HBP1: variants seen among roughly 807,000 people sequenced by gnomAD.
HBP1 encodes HMG box-containing protein 1.
A neutral mutation model predicts 62.6 loss-of-function variants in HBP1; 20 were observed. The observed-to-expected ratio is 0.32, with a 90% CI of 0.22 to 0.46. HBP1 has a LOEUF of 0.46. HBP1 is among the 20% of genes least tolerant of loss of function. The pLI is 1.00. For synonymous variants in HBP1, 232 were observed against 206.2 expected (o/e 1.12, Z -1.07); for missense variants, 480 against 611.8 (o/e 0.78, Z 2.27).
chr7:107,186,383 G>C lies in HBP1; in HGVS notation c.563G>C (p.Gly188Ala). ...TAGGCAAATAGTGAGTCAGAATCTG[G>C]CATTTTCTGCATGTCCTCCCTGTCA... is the stretch of plus-strand genomic sequence containing the variant. ...HERANSESES[G>A]IFCMSSLSDD... Residue 188 changes from glycine to alanine, a missense_variant, in exon 5 of 11, where the codon GGC becomes GCC. Physicochemically the swap from Gly to Ala is moderately conservative, Grantham distance 60 (BLOSUM62 0). Around this residue, in one of 4 missense-constraint regions of HBP1, gnomAD observed 304 missense variants for 330.9 expected, o/e 0.92. Transcript: ENST00000222574. 5.0e-6 allele frequency: 8 copies of C among 1,608,154 alleles called. No individual in the cohort carries two copies. The highest frequency in any genetic ancestry group is 6.8e-6 in the Non-Finnish European group (8 of 1,175,430).
chr7:107,183,088 T>TA (rs1337742044), intron 3 of HBP1, among the ~76,000 whole-genome samples: 3 of 152,200 alleles, frequency 2.0e-5, no homozygotes, highest in African/African-American at 4.8e-5. Context: ...TTCCCATTGG[T>TA]AAAAATCACT....
chr7:107,171,073 A>ATATTTTTTTTTTTTTTTTTT, intron 1 of HBP1, among the ~76,000 whole-genome samples: 1 of 87,192 alleles, frequency 1.1e-5, no homozygotes, highest in African/African-American at 6.6e-5. Context: ...ATATATATAT[A>ATATTTTTTTTTTTTTTTTTT]TTTTTTTTTT....
intron 6 of HBP1, 83 bp from the exon 7 acceptor site, chr7:107,189,209 A>T: frequency 8.5e-7 from 1 of 1,181,708 alleles, no homozygotes; most frequent in Non-Finnish European, 1.2e-6. Flanking sequence ...TACCTTTTCC[A>T]CAAAGTCTTA....
intron 1 of HBP1, chr7:107,169,894 AC>A: frequency 1.0e-6 from 1 of 985,236 alleles, no homozygotes; most frequent in East Asian, 1.1e-4. Context: ...GCTCTGTGTG[AC>A]CCAAAGAGGA....
intron 1 of HBP1, among the ~76,000 whole-genome samples, chr7:107,170,996 A>G (rs890258382): frequency 6.9e-6 from 1 of 144,826 alleles, no homozygotes; most frequent in Non-Finnish European, 1.5e-5. Context: ...TATATAAAAT[A>G]TATAACATAT....
rs1376782173 is a variant in HBP1, at chr7:107,179,893, C to T, written c.-1C>T. 8 of 1,534,256 alleles carry T rather than the reference C, an allele frequency of 5.2e-6. No homozygotes were observed. Among genetic ancestry groups the T allele is most frequent in the Non-Finnish European group, 5.3e-6 (6 of 1,123,614 alleles). On this transcript the variant is annotated 5_prime_UTR_variant, in exon 2 of 11. Coordinates refer to ENST00000222574, the MANE Select transcript of HBP1 (RefSeq NM_012257.4). ...TTTATTTTAAGTCAGAGCACCATAA[C>T]ATGGTGTGGGAAGTGAAGACAAATC...
intron 1 of HBP1, among the ~76,000 whole-genome samples, chr7:107,171,079 T>TATATA (rs1796566701): frequency 8.5e-6 from 1 of 118,132 alleles, no homozygotes; most frequent in Non-Finnish European, 1.6e-5. Context: ...ATATATTTTT[T>TATATA]TTTTTTTTTG....
chr7:107,172,116 T>TA (rs764461506), intron 1 of HBP1, among the ~76,000 whole-genome samples: 3 of 152,038 alleles, frequency 2.0e-5, no homozygotes, highest in Admixed American at 6.5e-5. Flanking sequence ...TCTACTATCA[T>TA]TTTCTATAGA....
intron 8 of HBP1, among the ~76,000 whole-genome samples, chr7:107,191,512 C>A (rs1424929824): frequency 1.3e-5 from 2 of 152,076 alleles, no homozygotes; most frequent in Admixed American, 1.3e-4. Flanking sequence ...GAAGTAAATT[C>A]TTGTAGTCAT....
Position 107,171,073 on chromosome 7 carries a change from A to ATATATATATT in HBP1, c.-16+1889_-16+1890insATATATATTT. Among the ~76,000 whole-genome samples the ATATATATATT allele has an allele frequency of 1.7e-4, 15 of 87,200 alleles. 1 individual carries two copies. Among genetic ancestry groups the ATATATATATT allele is most frequent in the South Asian group, 9.5e-4 (3 of 3,174 alleles). 57.2% of individuals were successfully genotyped at this position (87,200 alleles called of 152,430 possible). ...TATATATATATATATATATATATAT[A>ATATATATATT]TTTTTTTTTTTTTTTGAGAGGGAGT... is the stretch of plus-strand genomic sequence containing the variant. On this transcript the variant is annotated intron_variant, in intron 1 of 10. Transcript: ENST00000222574.
intron 2 of HBP1, 117 bp from the exon 3 acceptor site, chr7:107,182,256 T>A (rs545462616): frequency 1.8e-5 from 11 of 626,402 alleles, no homozygotes; most frequent in Non-Finnish European, 3.1e-5. Flanking sequence ...AATTTATGAT[T>A]TTCCTCTCTC....
Position 107,200,216 on chromosome 7 carries a change from G to A in HBP1, c.1442G>A (p.Arg481Lys). Residue 481 changes from arginine to lysine, a missense_variant, in exon 10 of 11, where the codon AGA becomes AAA. Transcript: ENST00000222574. ...RWKKMKNEER[R>K]MYTLEAKALA... ...AAGAAAATGAAGAATGAAGAGAGAA[G>A]AATGTACACATTAGAAGCAAAGGCT... 1.2e-6 allele frequency: 2 copies of A among 1,610,776 alleles called. No homozygotes were observed. Among genetic ancestry groups the A allele is most frequent in the Non-Finnish European group, 1.7e-6 (2 of 1,177,538 alleles).
chr7:107,169,116 T>C lies in HBP1; in HGVS notation c.-85T>C, dbSNP rs754657778. 3.2e-4 allele frequency: 408 copies of C among 1,264,108 alleles called. No individual in the cohort carries two copies. Among genetic ancestry groups the C allele is most frequent in the Middle Eastern group, 4.6e-4 (2 of 4,334 alleles). The allele number at this position is 1,264,108 out of a possible 1,614,324, so 78.3% of individuals were successfully genotyped here. A position where few individuals can be genotyped will look rare whatever the true frequency, so the allele number is the denominator to read the frequency against. ...AGGCCGACGTCGGTCGGAGAGGGGG[T>C]ACGAGAGCTGCTGGTGGTGTTGTCG... is the stretch of plus-strand genomic sequence containing the variant. On this transcript the variant is annotated 5_prime_UTR_variant, in exon 1 of 11. Coordinates refer to ENST00000222574, the MANE Select transcript of HBP1 (RefSeq NM_012257.4).
Position 107,171,073 on chromosome 7 carries a change from A to ATATATATATATTTTTT in HBP1, c.-16+1889_-16+1890insATATATATATTTTTTT. Among the ~76,000 whole-genome samples the ATATATATATATTTTTT allele has an allele frequency of 7.3e-4, 64 of 87,196 alleles. 2 individuals carry two copies. The highest frequency in any genetic ancestry group is 2.4e-3 in the African/African-American group (37 of 15,124). The allele number at this position is 87,196 out of a possible 152,430, so 57.2% of individuals were successfully genotyped here. Reference sequence around the variant, plus strand: ...TATATATATATATATATATATATATATTTTTTTTTTTTTTTGAGAGGGAGT... The same window carrying ATATATATATATTTTTT: ...TATATATATATATATATATATATATATATATATATATTTTTTTTTTTTTTTTTTTTTGAGAGGGAGT... On this transcript the variant is annotated intron_variant, in intron 1 of 10. Coordinates refer to ENST00000222574, the MANE Select transcript of HBP1 (RefSeq NM_012257.4).
intron 1 of HBP1, among the ~76,000 whole-genome samples, chr7:107,175,995 C>A (rs769440194): frequency 6.6e-6 from 1 of 151,684 alleles, no homozygotes. Context: ...GGATTACAGG[C>A]GTGAGCCACC....
intron 1 of HBP1, among the ~76,000 whole-genome samples, chr7:107,176,016 T>A (rs1300001638): frequency 7.6e-6 from 1 of 130,968 alleles, no homozygotes; most frequent in African/African-American, 2.8e-5. Flanking sequence ...GCACCCGGCT[T>A]TTTTTCTTTT....
At chr7:107,187,578 AG>A (rs971972773) in intron 6 of HBP1, among the ~76,000 whole-genome samples, 5 of 152,126 alleles carry the variant, frequency 3.3e-5, no homozygotes, top group African/African-American at 1.2e-4. Context: ...CTCACTATTA[AG>A]TCTCTTGAGA....
intron 2 of HBP1, among the ~76,000 whole-genome samples, chr7:107,180,471 T>TA (rs897660241): frequency 2.0e-5 from 3 of 152,228 alleles, no homozygotes; most frequent in African/African-American, 4.8e-5. Flanking sequence ...TTATGGTTGT[T>TA]ACTATTGCTA....
intron 6 of HBP1, among the ~76,000 whole-genome samples, chr7:107,188,728 C>T (rs1413138013): frequency 6.6e-6 from 1 of 152,128 alleles, no homozygotes. Flanking sequence ...ATCTTTTCTT[C>T]TGTAGAGTCT....
Sources: allele counts gnomAD v4.1 joint callset (sites outside exome capture counted in the v4.1 genomes callset), GRCh38; gene constraint gnomAD v4.1.1; regional missense constraint gnomAD v4.1.1; transcripts MANE v1.5; gene names NCBI Gene and HGNC (gene_info 2026-07-23, HGNC 2026-07-21).